MAP2K4: variants seen among roughly 807,000 people sequenced by gnomAD.
MAP2K4 encodes the protein dual specificity mitogen-activated protein kinase kinase 4.
MAP2K4 carries 4 observed loss-of-function variants against 48.5 expected under a neutral mutation model. The ratio of observed to expected loss-of-function variants is 0.08; its 90% CI spans 0.04 to 0.19. The LOEUF is 0.19. MAP2K4 is among the 10% of genes least tolerant of loss of function. MAP2K4 has a pLI of 1.00. For missense variants in MAP2K4, 258 were observed against 493.3 expected (o/e 0.52, Z 4.52); for synonymous variants, 166 against 173.1 (o/e 0.96, Z 0.32).
chr17:12,102,960 G>C (rs1971982704), intron 4 of MAP2K4, among the ~76,000 whole-genome samples: 1 of 150,040 alleles, frequency 6.7e-6, no homozygotes, highest in African/African-American at 2.5e-5. Flanking sequence ...AGTCCAGCTA[G>C]AGGTTTATCA....
chr17:12,030,421 C>G (rs1969398397), intron 1 of MAP2K4, among the ~76,000 whole-genome samples: 3 of 152,146 alleles, frequency 2.0e-5, no homozygotes, highest in Admixed American at 2.0e-4. Context: ...ATACAAAGAA[C>G]AAGTCTATAC....
chr17:12,062,926 T>A (rs922440079), intron 2 of MAP2K4, among the ~76,000 whole-genome samples: 4 of 151,048 alleles, frequency 2.6e-5, no homozygotes, highest in African/African-American at 9.7e-5. Flanking sequence ...TTCTCCCTCC[T>A]TTCCCTCCTC....
Position 12,095,701 on chromosome 17 carries a change from A to C in MAP2K4, c.513+7A>C, listed in dbSNP as rs1971715043. On this transcript the variant is annotated splice_region_variant and intron_variant, in intron 4 of 10. Transcript: ENST00000353533. The stretch of plus-strand genomic sequence containing the variant: ...TGGTGCACTCTTCAGAGAGGTAGGA[A>C]TAAACTGGGTTTTAGCTGACTAATG... 1 of 1,612,680 alleles carries C rather than the reference A, an allele frequency of 6.2e-7. No individual in the cohort carries two copies. The highest frequency in any genetic ancestry group is 1.7e-4 in the Middle Eastern group (1 of 6,052).
At chr17:12,035,912 T>C (rs1256113346) in intron 1 of MAP2K4, among the ~76,000 whole-genome samples, 1 of 152,228 alleles carries the variant, frequency 6.6e-6, no homozygotes, top group Non-Finnish European at 1.5e-5. Flanking sequence ...TATATTGCTA[T>C]GTCACTCTCT....
At chr17:12,029,203 G>C (rs1217199419) in intron 1 of MAP2K4, among the ~76,000 whole-genome samples, 1 of 151,902 alleles carries the variant, frequency 6.6e-6, no homozygotes, top group African/African-American at 2.4e-5. Context: ...GTGGGAACGA[G>C]GGTAGGAGAT....
chr17:12,036,745 A>G (rs1457328934), intron 1 of MAP2K4: 1 of 151,968 alleles, frequency 6.6e-6, no homozygotes. Context: ...ACTCATTTAA[A>G]GATCTTTGGG....
chr17:12,099,362 A>G (rs1182622841), intron 4 of MAP2K4, among the ~76,000 whole-genome samples: 1 of 152,154 alleles, frequency 6.6e-6, no homozygotes, highest in Non-Finnish European at 1.5e-5. Context: ...ACCAGTGCAG[A>G]TACCTTTTTG....
intron 9 of MAP2K4, among the ~76,000 whole-genome samples, chr17:12,138,718 G>C (rs1973283569): frequency 6.6e-6 from 1 of 152,160 alleles, no homozygotes; most frequent in Admixed American, 6.6e-5. Flanking sequence ...AAGAGTGTAG[G>C]AAGTTGACTA....
At chr17:12,036,307 C>G (rs1227309500) in intron 1 of MAP2K4, among the ~76,000 whole-genome samples, 1 of 151,990 alleles carries the variant, frequency 6.6e-6, no homozygotes, top group Non-Finnish European at 1.5e-5. Flanking sequence ...TGTAGAGGTC[C>G]TGCCTTAGAA....
chr17:12,101,231 A>G (rs1397908351), intron 4 of MAP2K4, among the ~76,000 whole-genome samples: 1 of 152,068 alleles, frequency 6.6e-6, no homozygotes, highest in Non-Finnish European at 1.5e-5. Context: ...GTTTTTATAT[A>G]TATCGAGAGT....
At chr17:12,099,118 A>G (rs1477689563) in intron 4 of MAP2K4, among the ~76,000 whole-genome samples, 2 of 151,536 alleles carry the variant, frequency 1.3e-5, no homozygotes, top group Non-Finnish European at 2.9e-5. Flanking sequence ...CACATGATTT[A>G]GCTCCCCCTT....
At chr17:12,027,350 A>G (rs1028486672) in intron 1 of MAP2K4, among the ~76,000 whole-genome samples, 1 of 152,176 alleles carries the variant, frequency 6.6e-6, no homozygotes, top group African/African-American at 2.4e-5. Flanking sequence ...ATTCTCCACC[A>G]CGGAGAAAGA....
chr17:12,023,851 A>C (rs1969171013), intron 1 of MAP2K4, among the ~76,000 whole-genome samples: 1 of 152,190 alleles, frequency 6.6e-6, no homozygotes, highest in Non-Finnish European at 1.5e-5. Flanking sequence ...GGAAAGTGGG[A>C]ATAACGCTTA....
In MAP2K4 at chr17:12,093,952, A is replaced by T. The variant is rs933281080; in HGVS notation, c.394-1623A>T. Among the ~76,000 whole-genome samples the T allele has an allele frequency of 2.6e-5, 4 of 152,352 alleles. No individual in the cohort carries two copies. The East Asian group carries it at 7.7e-4, about 29-fold the overall frequency. ...CATGCTTTGAACAAATACAGATCAC[A>T]TCTCTGGGCTATTTTGACTTTTAAA... On this transcript the variant is annotated intron_variant, in intron 3 of 10. Transcript: ENST00000353533.
chr17:12,066,736 C>T (rs903168624), intron 2 of MAP2K4, among the ~76,000 whole-genome samples: 2 of 152,136 alleles, frequency 1.3e-5, no homozygotes, highest in Admixed American at 6.5e-5. Flanking sequence ...GTCGCCCAGG[C>T]GGGAGTGCTG....
rs2151500858 is a variant in MAP2K4 at position 12,020,920 on chromosome 17, T to C, written c.34T>C (p.Ser12Pro). 1 of 1,183,896 alleles carries C rather than the reference T, an allele frequency of 8.4e-7. No homozygotes were observed. The highest frequency in any genetic ancestry group is 1.0e-6 in the Non-Finnish European group (1 of 960,254). 73.3% of individuals were successfully genotyped at this position (1,183,896 alleles called of 1,614,324 possible). A position where few individuals can be genotyped will look rare whatever the true frequency, so the allele number is the denominator to read the frequency against. The part of the protein sequence containing the change: ...AAPSPSGGGG[S>P]GGGSGSGTPG... Reference sequence around the variant, plus strand: ...TCCGAGCCCGAGCGGCGGCGGCGGCTCCGGGGGCGGCAGCGGCAGCGGCAC... The same window carrying C: ...TCCGAGCCCGAGCGGCGGCGGCGGCCCCGGGGGCGGCAGCGGCAGCGGCAC... Residue 12 changes from serine to proline, a missense_variant, in exon 1 of 11, where the codon TCC (serine) becomes CCC (proline). Physicochemically the swap from Ser to Pro is moderately conservative, Grantham distance 74. Transcript: ENST00000353533.
intron 1 of MAP2K4, among the ~76,000 whole-genome samples, chr17:12,046,983 G>C (rs1969985130): frequency 6.6e-6 from 1 of 152,028 alleles, no homozygotes; most frequent in Admixed American, 6.6e-5. Context: ...GCCTTTGTCT[G>C]GTGTTCTAAG....
chr17:12,103,193 C>T (rs1389080292), intron 4 of MAP2K4, among the ~76,000 whole-genome samples: 1 of 151,572 alleles, frequency 6.6e-6, no homozygotes, highest in Non-Finnish European at 1.5e-5. Flanking sequence ...GCATGCACTA[C>T]CACCACCCTG....
intron 2 of MAP2K4, among the ~76,000 whole-genome samples, chr17:12,059,436 C>G (rs550898272): frequency 2.0e-5 from 3 of 152,184 alleles, no homozygotes; most frequent in African/African-American, 7.2e-5. Context: ...GTTGAGTGCT[C>G]TCAGTGTACT....
Sources: allele counts gnomAD v4.1 joint callset (sites outside exome capture counted in the v4.1 genomes callset), GRCh38; gene constraint gnomAD v4.1.1; transcripts MANE v1.5; gene names NCBI Gene and HGNC (gene_info 2026-07-23, HGNC 2026-07-21).